The following FRK variants were observed in gnomAD, a reference collection of about 807,000 sequenced individuals.
The protein encoded by FRK is tyrosine-protein kinase FRK.
Under a neutral mutation model 56.4 loss-of-function variants are expected in FRK, and 51 were observed. The ratio of observed to expected loss-of-function variants is 0.90; its 90% confidence interval spans 0.72 to 1.14. The LOEUF is 1.14. Among genes scored for constraint, FRK ranks in the 50% most tolerant of loss-of-function variants. The probability of loss-of-function intolerance (pLI) is 0.00; values close to 1 mark genes in which losing one functional copy is unlikely to be tolerated. For missense variants in FRK, 570 were observed against 601.4 expected (o/e 0.95, Z 0.55); for synonymous variants, 245 against 217.9 (o/e 1.12, Z -1.10).
chr6:116,052,030 C>T (rs1777197365), intron 1 of FRK, among the ~76,000 whole-genome samples: 1 of 152,046 alleles, frequency 6.6e-6, no homozygotes, highest in Non-Finnish European at 1.5e-5. Flanking sequence ...AAGCTCTGGC[C>T]AGTAAATCCT....
intron 2 of FRK, among the ~76,000 whole-genome samples, chr6:115,982,638 A>G (rs1326053656): frequency 6.6e-6 from 1 of 152,150 alleles, no homozygotes; most frequent in Non-Finnish European, 1.5e-5. Flanking sequence ...TCAGGAGTGA[A>G]CCAGGTGAAC....
chr6:116,067,500 C>G, the FRK span, among the ~76,000 whole-genome samples: 4 of 152,036 alleles, frequency 2.6e-5, no homozygotes, highest in Non-Finnish European at 4.4e-5. Context: ...AGTGAGATGG[C>G]GGCTTCATCT....
Position 116,003,778 on chromosome 6 carries a change from AT to A in FRK, c.466+98del, listed in dbSNP as rs1200395990. The A allele has an allele frequency of 2.9e-6, 4 of 1,396,756 alleles. No individual in the cohort carries two copies. The African/African-American group carries it at 5.8e-5, about 20-fold the overall frequency. 86.5% of individuals were successfully genotyped at this position (1,396,756 alleles called of 1,614,324 possible). ...TTTGGTGCTACTGTAAAGATAAGAA[AT>A]AAGGCAAATTTTAAATGATCGTGTC... On this transcript the variant is annotated intron_variant, in intron 2 of 7. Transcript: ENST00000606080.
chr6:116,043,800 G>T (rs753734501), intron 1 of FRK, among the ~76,000 whole-genome samples: 3 of 152,038 alleles, frequency 2.0e-5, no homozygotes, highest in Non-Finnish European at 4.4e-5. Flanking sequence ...AATCCAGGAA[G>T]TGGTTTATTG....
the FRK span, among the ~76,000 whole-genome samples, chr6:116,092,685 G>C: frequency 6.6e-5 from 10 of 152,260 alleles, no homozygotes; most frequent in Non-Finnish European, 1.2e-4. Flanking sequence ...GACCGTTGTG[G>C]GTTCTTGAGC....
chr6:116,028,414 T>C (rs1776179081), intron 1 of FRK, among the ~76,000 whole-genome samples: 1 of 152,164 alleles, frequency 6.6e-6, no homozygotes, highest in Non-Finnish European at 1.5e-5. Flanking sequence ...GTTAGTCAGC[T>C]AGCACTGCTG....
chr6:115,955,490 A>T (rs1772949268), intron 5 of FRK, among the ~76,000 whole-genome samples: 1 of 152,176 alleles, frequency 6.6e-6, no homozygotes, highest in African/African-American at 2.4e-5. Context: ...TATGGTGGGT[A>T]ACATATTCTG....
At chr6:115,986,171 A>T (rs1348884745) in intron 2 of FRK, among the ~76,000 whole-genome samples, 2 of 152,016 alleles carry the variant, frequency 1.3e-5, no homozygotes, top group African/African-American at 4.8e-5. Flanking sequence ...TGGCCAAATG[A>T]CTTGCTTTGG....
chr6:115,944,418 A>G lies in FRK; in HGVS notation c.966T>C (p.Thr322=). ...GSLQEYLQND[T]GSKIHLTQQV... ...GTTGAGTCAGATGGATTTTTGATCC[A>G]GTGTCATCTAAGTAATAAGAGAAAA... Residue 322 remains threonine (T), a synonymous_variant, in exon 6 of 8, where the codon ACT becomes ACC. Transcript: ENST00000606080. The G allele has an allele frequency of 6.2e-7, 1 of 1,603,880 alleles. No homozygotes were observed.
chr6:116,018,437 C>T (rs1225198632), intron 1 of FRK, among the ~76,000 whole-genome samples: 2 of 152,200 alleles, frequency 1.3e-5, no homozygotes, highest in Non-Finnish European at 2.9e-5. Flanking sequence ...CATCCTCTCG[C>T]TGTCCAGAAC....
At chr6:115,966,420 A>G (rs1197867090) in intron 4 of FRK, among the ~76,000 whole-genome samples, 2 of 152,208 alleles carry the variant, frequency 1.3e-5, no homozygotes, top group Non-Finnish European at 2.9e-5. Flanking sequence ...AGCTTGTACA[A>G]TATTCAGGAT....
chr6:116,082,335 C>T, the FRK span, among the ~76,000 whole-genome samples: 10 of 152,150 alleles, frequency 6.6e-5, no homozygotes, highest in Non-Finnish European at 1.0e-4. Flanking sequence ...AAGGCAAAAT[C>T]TATTTTATGC....
chr6:116,026,469 T>C (rs963844837), intron 1 of FRK, among the ~76,000 whole-genome samples: 7 of 113,148 alleles, frequency 6.2e-5, no homozygotes, highest in African/African-American at 2.4e-4. Flanking sequence ...TGATTCATAA[T>C]AGAAAAACAT....
At chr6:116,023,586 G>C (rs1203498505) in intron 1 of FRK, among the ~76,000 whole-genome samples, 5 of 152,170 alleles carry the variant, frequency 3.3e-5, no homozygotes, top group African/African-American at 9.7e-5. Flanking sequence ...GCAAAACTAA[G>C]CTATGGTGAT....
rs915500503 is a variant in FRK at position 115,967,044 on chromosome 6, C to T, written c.799+507G>A. Among the ~76,000 whole-genome samples the T allele has an allele frequency of 3.9e-5, 6 of 152,108 alleles. No homozygotes were observed. In the East Asian group the frequency reaches 7.7e-4, roughly 20 times the overall value. On this transcript the variant is annotated intron_variant, in intron 4 of 7. Transcript: ENST00000606080. ...AGCCTGGCTGAATAAATACTGATTT[C>T]AGTATAATTTTACTTGCCATCACAG... is the stretch of plus-strand genomic sequence containing the variant.
the FRK span, among the ~76,000 whole-genome samples, chr6:116,068,697 T>C: frequency 6.6e-6 from 1 of 152,254 alleles, no homozygotes; most frequent in African/African-American, 2.4e-5. Context: ...GTGTTTTCAA[T>C]ACTTACAGAG....
In FRK at chr6:116,016,670, G is replaced by A. The variant is rs768446454; in HGVS notation, c.345-12672C>T. Among the ~76,000 whole-genome samples, 23 of 152,118 alleles carry A rather than the reference G, an allele frequency of 1.5e-4. 1 individual carries two copies. The highest frequency in any genetic ancestry group is 2.8e-4 in the Non-Finnish European group (19 of 68,014). ...AGGTGCCCCCAGGGAGTCAAGGTGT[G>A]AGACCTGGTCTGCTACAGGTCAGAA... On this transcript the variant is annotated intron_variant, in intron 1 of 7. Transcript: ENST00000606080.
chr6:116,072,092 T>C, the FRK span, among the ~76,000 whole-genome samples: 2 of 152,144 alleles, frequency 1.3e-5, no homozygotes. Flanking sequence ...GAGCATTAGA[T>C]AGCATTAGAC....
intron 2 of FRK, among the ~76,000 whole-genome samples, chr6:116,000,509 C>G (rs1158254797): frequency 6.6e-6 from 1 of 152,004 alleles, no homozygotes; most frequent in Non-Finnish European, 1.5e-5. Context: ...TCCCAAAGTG[C>G]TGGGATTACT....
Sources: allele counts gnomAD v4.1 joint callset (sites outside exome capture counted in the v4.1 genomes callset), GRCh38; gene constraint gnomAD v4.1.1; transcripts MANE v1.5; gene names NCBI Gene and HGNC (gene_info 2026-07-23, HGNC 2026-07-21).